The following MS4A10 variants were observed in gnomAD, a reference collection of about 807,000 sequenced individuals.
MS4A10 encodes membrane spanning 4-domains A10, also known as membrane-spanning 4-domains subfamily A member 10.
A neutral mutation model predicts 27.7 loss-of-function variants in MS4A10; 27 were observed. The ratio of observed to expected loss-of-function variants is 0.98; its 90% CI spans 0.72 to 1.35. MS4A10 has a LOEUF of 1.35. Among genes scored for constraint, MS4A10 ranks in the 40% most tolerant of loss-of-function variants. The probability of loss-of-function intolerance (pLI) is 0.00; values close to 1 mark genes in which losing one functional copy is unlikely to be tolerated. For missense variants in MS4A10, 338 were observed against 324.7 expected, an observed-to-expected ratio of 1.04 and a Z score of -0.32; for synonymous variants, 139 against 131.2, an observed-to-expected ratio of 1.06 and a Z score of -0.41.
intron 3 of MS4A10, among the ~76,000 whole-genome samples, chr11:60,791,559 C>T (rs1221605341): frequency 6.6e-6 from 1 of 152,206 alleles, no homozygotes; most frequent in Non-Finnish European, 1.5e-5. Context: ...GTGCATGCAC[C>T]ATTTCCCAGA....
chr11:60,800,032 C>A lies in MS4A10; in HGVS notation c.*123C>A. The stretch of plus-strand genomic sequence containing the variant: ...AAGGCTAGAGCGATGGTCTATACAG[C>A]AAAGTCAGCCCTCACAGCTCCTGGG... On this transcript the variant is annotated 3_prime_UTR_variant, in exon 8 of 8. Coordinates refer to ENST00000308287, the MANE Select transcript of MS4A10 (RefSeq NM_206893.4). 1 of 1,467,420 alleles carries A rather than the reference C, an allele frequency of 6.8e-7. No individual in the cohort carries two copies. The highest frequency in any genetic ancestry group is 1.3e-5 in the South Asian group (1 of 77,910). The allele number at this position is 1,467,420 out of a possible 1,614,324, so 90.9% of individuals were successfully genotyped here. A position where few individuals can be genotyped will look rare whatever the true frequency, so the allele number is the denominator to read the frequency against.
At chr11:60,798,616 C>A (rs1854572568) in intron 7 of MS4A10, 102 bp downstream of exon 7, 2 of 880,668 alleles carry the variant, frequency 2.3e-6, no homozygotes, top group East Asian at 2.4e-5. Context: ...CTGTAAGGGG[C>A]AAGGGGCTAA....
intron 5 of MS4A10, among the ~76,000 whole-genome samples, chr11:60,794,614 T>C (rs889729913): frequency 5.9e-5 from 9 of 152,162 alleles, no homozygotes; most frequent in Non-Finnish European, 4.4e-5. Flanking sequence ...CTGCTGCCTC[T>C]GAAGCAGAAG....
At chr11:60,792,377 A>T (rs1029105493) in intron 4 of MS4A10, 56 bp downstream of exon 4, 1 of 1,331,768 alleles carries the variant, frequency 7.5e-7, no homozygotes, top group Non-Finnish European at 1.1e-6. Flanking sequence ...TAACTTTGTT[A>T]AGGGCATCTG....
intron 6 of MS4A10, among the ~76,000 whole-genome samples, chr11:60,797,178 C>A (rs981588502): frequency 3.3e-5 from 5 of 152,184 alleles, no homozygotes; most frequent in Non-Finnish European, 5.9e-5. Flanking sequence ...CTGAGGCCAA[C>A]CCCACTTTTA....
intron 6 of MS4A10, among the ~76,000 whole-genome samples, chr11:60,797,921 C>T (rs57358709): frequency 0.015 from 2,350 of 152,344 alleles, 62 homozygotes; most frequent in African/African-American, 0.054. Context: ...CTGTGCCCTC[C>T]CCATCGGTAA....
chr11:60,789,460 G>T (rs368256248), intron 1 of MS4A10, among the ~76,000 whole-genome samples: 1 of 152,236 alleles, frequency 6.6e-6, no homozygotes, highest in Non-Finnish European at 1.5e-5. Flanking sequence ...TGCAGGTCGT[G>T]TGTCCAGCCC....
intron 1 of MS4A10, 67 bp from the exon 2 acceptor site, chr11:60,790,247 G>A (rs2071485144): frequency 7.3e-7 from 1 of 1,370,768 alleles, no homozygotes; most frequent in Non-Finnish European, 1.0e-6. Context: ...GTGATTGGCA[G>A]AGGCTCACCC....
chr11:60,798,352 C>A, intron 6 of MS4A10, 44 bp from the exon 7 acceptor site: 1 of 1,461,190 alleles, frequency 6.8e-7, no homozygotes, highest in Non-Finnish European at 9.6e-7. Context: ...CAGCCAGTCG[C>A]TCCACAGCTG....
chr11:60,789,676 G>A (rs947467730), intron 1 of MS4A10, among the ~76,000 whole-genome samples: 2 of 152,244 alleles, frequency 1.3e-5, no homozygotes, highest in African/African-American at 2.4e-5. Flanking sequence ...CAAAATGAGA[G>A]TGAGGACGGT....
chr11:60,787,581 T>G lies in MS4A10; in HGVS notation c.-23+2160T>G, dbSNP rs1590995167. ...CTCAATTCCCATTCCCACTGTGATATGCACGTGAGCAAACCAAAAGCAGAG... is the reference window on the plus strand; with the variant it reads ...CTCAATTCCCATTCCCACTGTGATAGGCACGTGAGCAAACCAAAAGCAGAG... On this transcript the variant is annotated intron_variant, in intron 1 of 7. Coordinates refer to ENST00000308287, the MANE Select transcript of MS4A10 (RefSeq NM_206893.4). Among the ~76,000 whole-genome samples, 5 of 152,226 alleles carry G rather than the reference T, an allele frequency of 3.3e-5. 1 individual carries two copies. The South Asian group carries it at 1.0e-3, about 32-fold the overall frequency.
At chr11:60,786,715 A>G (rs1171072397) in intron 1 of MS4A10, among the ~76,000 whole-genome samples, 1 of 152,110 alleles carries the variant, frequency 6.6e-6, no homozygotes, top group Non-Finnish European at 1.5e-5. Context: ...CCAGACGAGG[A>G]CAAGGTGGAG....
At chr11:60,786,846 C>G (rs958473660) in intron 1 of MS4A10, among the ~76,000 whole-genome samples, 1 of 152,184 alleles carries the variant, frequency 6.6e-6, no homozygotes, top group Non-Finnish European at 1.5e-5. Flanking sequence ...CCACCTACCC[C>G]CTAGGGACAG....
chr11:60,796,713 C>A (rs1416950169), intron 6 of MS4A10, among the ~76,000 whole-genome samples: 1 of 152,160 alleles, frequency 6.6e-6, no homozygotes, highest in Non-Finnish European at 1.5e-5. Context: ...TGAGCTATGT[C>A]CAACCCACAG....
chr11:60,793,641 G>T (rs1380541932), intron 4 of MS4A10, among the ~76,000 whole-genome samples: 1 of 152,228 alleles, frequency 6.6e-6, no homozygotes, highest in Non-Finnish European at 1.5e-5. Flanking sequence ...GCTGATGTAG[G>T]ATGGTCGGGG....
chr11:60,785,720 C>G (rs1854324021), intron 1 of MS4A10, among the ~76,000 whole-genome samples: 1 of 152,156 alleles, frequency 6.6e-6, no homozygotes, highest in Admixed American at 6.5e-5. Flanking sequence ...CTGCGGAGCC[C>G]CATCCTGCTG....
At chr11:60,791,346 T>A (rs2134750781) in intron 3 of MS4A10, among the ~76,000 whole-genome samples, 1 of 152,122 alleles carries the variant, frequency 6.6e-6, no homozygotes, top group Middle Eastern at 3.4e-3. Context: ...CTCCCATAAT[T>A]GAATATGTGC....
intron 6 of MS4A10, 61 bp from the exon 7 acceptor site, chr11:60,798,335 T>G: frequency 3.1e-6 from 4 of 1,290,228 alleles, no homozygotes; most frequent in Non-Finnish European, 4.5e-6. Context: ...GAGAAGTGTT[T>G]CGGAAGCAGC....
chr11:60,798,396 A>G lies in MS4A10; in HGVS notation c.604A>G (p.Asn202Asp), dbSNP rs768097358. The G allele has an allele frequency of 6.2e-7, 1 of 1,612,796 alleles. No homozygotes were observed. The highest frequency in any genetic ancestry group is 1.1e-5 in the South Asian group (1 of 90,970). The change falls in exon 7 of 8, where the codon AAT becomes GAT. Residue 202 changes from asparagine (N) to aspartate (D), a missense_variant and splice_region_variant. By Grantham distance (23) the Asn-to-Asp change is conservative. Coordinates refer to ENST00000308287, the MANE Select transcript of MS4A10 (RefSeq NM_206893.4). Reference sequence around the variant, plus strand: ...AGGGGCGGCGACTTTTCTTTCGCAGAATGATGATGCATGCCTTGTTCCGAA... The same window carrying G: ...AGGGGCGGCGACTTTTCTTTCGCAGGATGATGATGCATGCCTTGTTCCGAA... The part of the protein sequence containing the change: ...AWRGDCPSAK[N>D]DDACLVPNTP...
Sources: gnomAD v4.1 joint callset for allele counts (sites outside exome capture counted in the v4.1 genomes callset) on GRCh38, gnomAD v4.1.1 for gene constraint, MANE v1.5 for transcripts, NCBI Gene and HGNC (gene_info 2026-07-23, HGNC 2026-07-21) for gene names.